FLOT1: variants seen among roughly 807,000 people sequenced by gnomAD.
The protein encoded by FLOT1 is flotillin 1.
A neutral mutation model predicts 58.4 loss-of-function variants in FLOT1; 40 were observed. The ratio of observed to expected loss-of-function variants is 0.69; its 90% CI spans 0.53 to 0.89. FLOT1 has a LOEUF of 0.89. Among genes scored for constraint, FLOT1 ranks in the 40% least tolerant of loss-of-function variants. The probability of loss-of-function intolerance (pLI) is 0.00; values close to 1 mark genes in which losing one functional copy is unlikely to be tolerated. For missense variants in FLOT1, 423 were observed against 540.8 expected, an observed-to-expected ratio of 0.78 and a Z score of 2.16; for synonymous variants, 178 against 204.2, an observed-to-expected ratio of 0.87 and a Z score of 1.09.
chr6:30,729,880 C>T (rs1777024889), intron 12 of FLOT1, 142 bp downstream of exon 12: 1 of 708,982 alleles, frequency 1.4e-6, no homozygotes, highest in Admixed American at 2.5e-5. Context: ...TATGTAGAAG[C>T]TTAGCACTGT....
chr6:30,730,133 C>T lies in FLOT1; in HGVS notation c.1143G>A (p.Val381=). ...CCCCCATGGTCCCACTGCCGCTGGACACCAGTGTGATCTTATTGGCTGAAG... is the reference window on the plus strand; with the variant it reads ...CCCCCATGGTCCCACTGCCGCTGGATACCAGTGTGATCTTATTGGCTGAAG... ...PLTSANKITL[V]SSGSGTMGAA... Residue 381 remains valine (V), a synonymous_variant, in exon 12 of 13, where the codon GTG becomes GTA. Coordinates refer to ENST00000376389, the MANE Select transcript of FLOT1 (RefSeq NM_005803.4). The T allele has an allele frequency of 6.2e-7, 1 of 1,613,058 alleles. No homozygotes were observed.
intron 12 of FLOT1, among the ~76,000 whole-genome samples, chr6:30,728,478 T>C (rs1776901693): frequency 3.3e-5 from 5 of 150,862 alleles, no homozygotes; most frequent in Admixed American, 3.3e-4. Flanking sequence ...TTTTTTTTCT[T>C]TTTTTTTTTG....
Position 30,730,189 on chromosome 6 carries a change from G to A in FLOT1, c.1090-3C>T, listed in dbSNP as rs1247640984. The A allele has an allele frequency of 6.2e-7, 1 of 1,612,854 alleles. No individual in the cohort carries two copies. Among genetic ancestry groups the A allele is most frequent in the Non-Finnish European group, 8.5e-7 (1 of 1,179,900 alleles). On this transcript the variant is annotated splice_region_variant and splice_polypyrimidine_tract_variant and intron_variant, in intron 11 of 12. Transcript: ENST00000376389. Reference sequence around the variant, plus strand: ...GGACCACTGATCTCCTCTGCCACCTGGCAGGAGAGAGACACCCACTCAGTG... The same window carrying A: ...GGACCACTGATCTCCTCTGCCACCTAGCAGGAGAGAGACACCCACTCAGTG...
intron 12 of FLOT1, among the ~76,000 whole-genome samples, chr6:30,728,588 G>C (rs1187794265): frequency 6.6e-6 from 1 of 151,394 alleles, no homozygotes; most frequent in Non-Finnish European, 1.5e-5. Flanking sequence ...TCCTGCCTCA[G>C]CCTCCCGAGT....
chr6:30,740,090 G>A (rs905631388), intron 8 of FLOT1, 68 bp downstream of exon 8: 5 of 1,437,584 alleles, frequency 3.5e-6, no homozygotes, highest in Non-Finnish European at 4.8e-6. Context: ...TAGTGTAGTG[G>A]TGTCCTGAGA....
At chr6:30,730,608 G>C in intron 10 of FLOT1, 43 bp from the exon 11 acceptor site, 1 of 1,613,860 alleles carries the variant, frequency 6.2e-7, no homozygotes, top group Non-Finnish European at 8.5e-7. Context: ...AAATCATTAA[G>C]AACAAGAAAT....
chr6:30,730,607 A>T, intron 10 of FLOT1, 42 bp from the exon 11 acceptor site: 1 of 1,613,814 alleles, frequency 6.2e-7, no homozygotes, highest in Non-Finnish European at 8.5e-7. Context: ...GAAATCATTA[A>T]GAACAAGAAA....
At position 30,740,304 on chromosome 6, in the gene FLOT1, T is replaced by C. The variant is rs1777876577; in HGVS notation, c.577A>G (p.Lys193Glu). Residue 193 changes from lysine (K) to glutamate (E), a missense_variant, in exon 8 of 13, where the codon AAA becomes GAA. Coordinates refer to ENST00000376389, the MANE Select transcript of FLOT1 (RefSeq NM_005803.4). ...AKRDAGIREAKAKQEKVSAQY... is the reference protein window; with the variant it reads ...AKRDAGIREAEAKQEKVSAQY... ...GCAGACACCTTTTCCTGCTTGGCTT[T>C]AGCTTCCTGTCCAAGCAGAGATCAG... 5 of 1,613,056 alleles carry C rather than the reference T, an allele frequency of 3.1e-6. No homozygotes were observed. Among genetic ancestry groups the C allele is most frequent in the Non-Finnish European group, 4.2e-6 (5 of 1,180,020 alleles).
chr6:30,740,948 A>T, intron 5 of FLOT1, 150 bp from the exon 6 acceptor site: 1 of 1,239,822 alleles, frequency 8.1e-7, no homozygotes, highest in Non-Finnish European at 1.1e-6. Flanking sequence ...CACCATACCC[A>T]GCTAATTTTT....
At chr6:30,734,721 T>A (rs1186001991) in intron 8 of FLOT1, among the ~76,000 whole-genome samples, 2 of 152,086 alleles carry the variant, frequency 1.3e-5, no homozygotes, top group Non-Finnish European at 2.9e-5. Flanking sequence ...TCCCTGGCTT[T>A]CTTGGTTGCT....
intron 8 of FLOT1, among the ~76,000 whole-genome samples, chr6:30,735,638 A>C (rs1393108265): frequency 6.6e-6 from 1 of 151,686 alleles, no homozygotes; most frequent in African/African-American, 2.4e-5. Flanking sequence ...ACCCTGTCTC[A>C]AAAAAAACAT....
chr6:30,734,584 G>A (rs1283242931), intron 8 of FLOT1, among the ~76,000 whole-genome samples: 1 of 152,166 alleles, frequency 6.6e-6, no homozygotes, highest in Non-Finnish European at 1.5e-5. Flanking sequence ...TGGGATTACA[G>A]GCATGAGCCA....
intron 8 of FLOT1, among the ~76,000 whole-genome samples, chr6:30,734,357 G>A (rs2127769786): frequency 6.7e-6 from 1 of 148,398 alleles, no homozygotes; most frequent in Non-Finnish European, 1.5e-5. Flanking sequence ...CACCCAGGCT[G>A]GAGTGCAGTG....
chr6:30,728,341 G>A (rs1776886317), intron 12 of FLOT1, among the ~76,000 whole-genome samples, 196 bp from the exon 13 acceptor site: 1 of 152,160 alleles, frequency 6.6e-6, no homozygotes, highest in Non-Finnish European at 1.5e-5. Flanking sequence ...AGAGAGGAGA[G>A]GGGGCAGAGC....
In FLOT1 at chr6:30,741,858, C is replaced by T. The variant is rs1778013175; in HGVS notation, c.53G>A (p.Arg18Gln). ...NEAMVVSGFC[R>Q]SPPVMVAGGR... ...TCCAGCCACCATGACTGGGGGGCTT[C>T]GGCAGAACCCTGCAAGGTGTGGGGC... Residue 18 changes from arginine (R) to glutamine (Q), a missense_variant, in exon 3 of 13, where the codon CGA becomes CAA. Around this residue, in one of 6 missense-constraint regions of FLOT1, gnomAD observed 91 missense variants for 118.3 expected, o/e 0.77. Transcript: ENST00000376389. This position sits in a 1 kb window ranked among gnomAD's most constrained non-coding sequence, Gnocchi z 5.9. 1.2e-6 allele frequency: 2 copies of T among 1,612,346 alleles called. No homozygotes were observed.
At chr6:30,730,296 T>C (rs1283835236) in intron 11 of FLOT1, 110 bp from the exon 12 acceptor site, 5 of 1,503,908 alleles carry the variant, frequency 3.3e-6, no homozygotes, top group Non-Finnish European at 4.5e-6. Context: ...CTTCCTCACT[T>C]TGGTCACTAA....
intron 8 of FLOT1, 115 bp from the exon 9 acceptor site, chr6:30,731,215 T>C: frequency 9.3e-7 from 1 of 1,070,538 alleles, no homozygotes; most frequent in Non-Finnish European, 1.3e-6. Context: ...CCGGGCGCGG[T>C]GGCTCACGCC....
Position 30,740,564 on chromosome 6 carries a change from G to C in FLOT1, c.502C>G (p.Arg168Gly), listed in dbSNP as rs866573329. Residue 168 changes from arginine (R) to glycine (G), a missense_variant, in exon 7 of 13, where the codon CGA becomes GGA. This residue lies in a region of FLOT1 where 137 missense variants were observed against 194.6 expected (regional missense o/e 0.70). Coordinates refer to ENST00000376389, the MANE Select transcript of FLOT1 (RefSeq NM_005803.4). ...QDYLHSLGKA[R>G]TAQVQKDARI... ...GCATCTTTTTGGACTTGAGCTGTTC[G>C]AGCCTTCCCCAAAGAGTGCAAATAG... 1.2e-6 allele frequency: 2 copies of C among 1,613,022 alleles called. No homozygotes were observed. Among genetic ancestry groups the C allele is most frequent in the East Asian group, 2.2e-5 (1 of 44,878 alleles).
At chr6:30,731,237 C>T (rs1286844436) in intron 8 of FLOT1, 137 bp from the exon 9 acceptor site, 3 of 813,658 alleles carry the variant, frequency 3.7e-6, no homozygotes, top group South Asian at 1.9e-5. Context: ...GTAATCCTAG[C>T]GCTTTGGGAG....
Sources: gnomAD v4.1 joint callset for allele counts (sites outside exome capture counted in the v4.1 genomes callset) on GRCh38, gnomAD v4.1.1 for gene constraint, gnomAD v4.1.1 regional missense constraint, Gnocchi (gnomAD v3.1) non-coding constraint, MANE v1.5 for transcripts, NCBI Gene and HGNC (gene_info 2026-07-23, HGNC 2026-07-21) for gene names.